GOSR2: variants seen among roughly 807,000 people sequenced by gnomAD.
GOSR2 encodes the protein 27 kDa Golgi SNARE protein.
GOSR2 carries 20 observed loss-of-function variants against 27.9 expected under a neutral mutation model. That is an observed-to-expected ratio of 0.72 (90% CI 0.50 to 1.04). The LOEUF is 1.04. Ranked by LOEUF, GOSR2 falls within the 50% of genes least tolerant of loss-of-function variation. The pLI is 0.00. For synonymous variants in GOSR2, 91 were observed against 98.8 expected (o/e 0.92, Z 0.47); for missense variants, 261 against 270.5 (o/e 0.97, Z 0.25).
intron 4 of GOSR2, chr17:46,933,556 G>T (rs1444002661): frequency 1.3e-5 from 2 of 151,554 alleles, no homozygotes; most frequent in Non-Finnish European, 2.9e-5. Context: ...GAGCTCCCCT[G>T]TTAGCAGGGG....
chr17:46,959,103 G>A (rs1184459012), intron 6 of GOSR2, among the ~76,000 whole-genome samples: 4 of 152,226 alleles, frequency 2.6e-5, no homozygotes, highest in African/African-American at 9.7e-5. Flanking sequence ...TACAAAGACT[G>A]TGGTGGGAAT....
intron 6 of GOSR2, among the ~76,000 whole-genome samples, chr17:46,960,815 C>A (rs1037305354): frequency 1.3e-5 from 2 of 152,074 alleles, no homozygotes; most frequent in African/African-American, 4.8e-5. Context: ...ACCACAGGGA[C>A]AAAGAACAGA....
intron 6 of GOSR2, among the ~76,000 whole-genome samples, chr17:46,958,787 G>C (rs925215612): frequency 5.2e-4 from 79 of 152,318 alleles, no homozygotes; most frequent in African/African-American, 1.9e-3. Flanking sequence ...TGAAAACTGA[G>C]TCCAGTCCAT....
chr17:46,951,911 C>T (rs2090383734), intron 6 of GOSR2, among the ~76,000 whole-genome samples: 1 of 152,146 alleles, frequency 6.6e-6, no homozygotes, highest in South Asian at 2.1e-4. Context: ...CATCACCTCC[C>T]TCACAGCCCA....
chr17:46,961,424 A>G (rs958021956), intron 6 of GOSR2, among the ~76,000 whole-genome samples: 3 of 152,120 alleles, frequency 2.0e-5, no homozygotes, highest in Non-Finnish European at 2.9e-5. Context: ...CGTCCCAGCT[A>G]TTTGGAAGGC....
At position 46,940,120 on chromosome 17, in the gene GOSR2, C is replaced by A; in HGVS notation, c.*1360C>A. Reference sequence around the variant, plus strand: ...TTCCTTTCTGTGTTCCTCTTCACCTCTCTTGTTCCCCTCCCCGCTGCTCTG... The same window carrying A: ...TTCCTTTCTGTGTTCCTCTTCACCTATCTTGTTCCCCTCCCCGCTGCTCTG... On this transcript the variant is annotated 3_prime_UTR_variant, in exon 6 of 6. Transcript: ENST00000640051. 1 of 1,225,934 alleles carries A rather than the reference C, an allele frequency of 8.2e-7. No individual in the cohort carries two copies. Among genetic ancestry groups the A allele is most frequent in the Non-Finnish European group, 1.0e-6 (1 of 976,642 alleles). The allele number at this position is 1,225,934 out of a possible 1,614,324, so 75.9% of individuals were successfully genotyped here.
downstream of GOSR2, among the ~76,000 whole-genome samples, chr17:46,946,752 A>G (rs141396205): frequency 8.6e-5 from 13 of 150,706 alleles, no homozygotes; most frequent in East Asian, 2.6e-3. Flanking sequence ...AGTCCCAGCT[A>G]CTTGGGAGGC....
chr17:46,958,075 C>G (rs879769762), intron 6 of GOSR2, among the ~76,000 whole-genome samples: 1 of 152,156 alleles, frequency 6.6e-6, no homozygotes, highest in Non-Finnish European at 1.5e-5. Context: ...TCACCTCACC[C>G]GTAACCCATG....
At chr17:46,929,255 A>G (rs2086943519) in intron 1 of GOSR2, among the ~76,000 whole-genome samples, 2 of 152,164 alleles carry the variant, frequency 1.3e-5, no homozygotes, top group Admixed American at 1.3e-4. Flanking sequence ...TGATAATGGT[A>G]CTTTCCTCAT....
Position 46,941,064 on chromosome 17 carries a change from T to C in GOSR2, c.*2304T>C, listed in dbSNP as rs1599077277. On this transcript the variant is annotated 3_prime_UTR_variant, in exon 6 of 6. Transcript: ENST00000640051. The stretch of plus-strand genomic sequence containing the variant: ...ATGCAAGAAACTCCGGTAGCCAGCC[T>C]CTGTGACCTTGTACATGAGTTTGGT... The C allele has an allele frequency of 9.3e-7, 1 of 1,080,868 alleles. No individual in the cohort carries two copies. The highest frequency in any genetic ancestry group is 1.1e-6 in the Non-Finnish European group (1 of 886,078). 67.0% of individuals were successfully genotyped at this position (1,080,868 alleles called of 1,614,324 possible). A position where few individuals can be genotyped will look rare whatever the true frequency, so the allele number is the denominator to read the frequency against.
chr17:46,936,077 G>A (rs2088283426), intron 5 of GOSR2: 1 of 985,844 alleles, frequency 1.0e-6, no homozygotes, highest in Middle Eastern at 5.2e-4. Context: ...GGTCAGGCAA[G>A]CTGCAAGTGA....
intron 6 of GOSR2, among the ~76,000 whole-genome samples, chr17:46,947,707 A>G (rs964864731): frequency 6.6e-6 from 1 of 152,204 alleles, no homozygotes; most frequent in Non-Finnish European, 1.5e-5. Context: ...TGAGAATAAT[A>G]ATAACTACCT....
intron 6 of GOSR2, among the ~76,000 whole-genome samples, chr17:46,953,673 A>G (rs1460438672): frequency 6.6e-6 from 1 of 152,128 alleles, no homozygotes; most frequent in Non-Finnish European, 1.5e-5. Context: ...AACAGTGTAA[A>G]AGTGTTCCTA....
rs2088938585 is a variant in GOSR2, at chr17:46,939,386, T to C, written c.*626T>C. ...CGATAACAAGTAAGATTTTCCACAC[T>C]ACAGCTGGGTGTTTCTCTTTTCTAA... On this transcript the variant is annotated 3_prime_UTR_variant, in exon 6 of 6. Transcript: ENST00000640051. 1 of 998,322 alleles carries C rather than the reference T, an allele frequency of 1.0e-6. No homozygotes were observed. Among genetic ancestry groups the C allele is most frequent in the East Asian group, 1.0e-4 (1 of 9,990 alleles). 61.8% of individuals were successfully genotyped at this position (998,322 alleles called of 1,614,324 possible). A position where few individuals can be genotyped will look rare whatever the true frequency, so the allele number is the denominator to read the frequency against.
At chr17:46,926,031 T>C (rs971445227) in intron 1 of GOSR2, among the ~76,000 whole-genome samples, 6 of 152,204 alleles carry the variant, frequency 3.9e-5, no homozygotes, top group African/African-American at 1.4e-4. Context: ...TTATCGTATG[T>C]CCAGGACACA....
chr17:46,970,269 G>A (rs2091377682), downstream of GOSR2, among the ~76,000 whole-genome samples: 2 of 152,116 alleles, frequency 1.3e-5, no homozygotes, highest in South Asian at 2.1e-4. Flanking sequence ...GACCAGCCGC[G>A]GTGGCTCACG....
At chr17:46,938,155 G>T (rs2088722299) in intron 5 of GOSR2, 2 of 268,886 alleles carry the variant, frequency 7.4e-6, no homozygotes, top group Non-Finnish European at 1.4e-5. Flanking sequence ...GAGTCCCTGC[G>T]CCTGGCCTGT....
At position 46,927,967 on chromosome 17, in the gene GOSR2, C is replaced by T. The variant is rs1363421441; in HGVS notation, c.30-1553C>T. Reference sequence around the variant, plus strand: ...TCAGGACTTCCTTAGAGTCCTAATTCTCCTTTCTGTCCCCGTTACCCTCCG... The same window carrying T: ...TCAGGACTTCCTTAGAGTCCTAATTTTCCTTTCTGTCCCCGTTACCCTCCG... On this transcript the variant is annotated intron_variant, in intron 1 of 5. Transcript: ENST00000640051. Among the ~76,000 whole-genome samples the T allele has an allele frequency of 2.6e-5, 4 of 152,120 alleles. No homozygotes were observed. In the East Asian group the frequency reaches 7.7e-4, roughly 29 times the overall value.
At chr17:46,948,922 A>T (rs2090125254) in intron 6 of GOSR2, 1 of 152,240 alleles carries the variant, frequency 6.6e-6, no homozygotes, top group Non-Finnish European at 1.5e-5. Flanking sequence ...GCTAAAGTTC[A>T]TTCATCCATT....
Sources: allele counts gnomAD v4.1 joint callset (sites outside exome capture counted in the v4.1 genomes callset), GRCh38; gene constraint gnomAD v4.1.1; transcripts MANE v1.5; gene names NCBI Gene and HGNC (gene_info 2026-07-23, HGNC 2026-07-21).